The following ASCC1 variants were observed in gnomAD, a reference collection of about 807,000 sequenced individuals.
ASCC1 encodes the protein ASC-1 complex subunit P50.
Under a neutral mutation model 46.6 loss-of-function variants are expected in ASCC1, and 35 were observed. That is an observed-to-expected ratio of 0.75 (90% CI 0.57 to 0.99). ASCC1 has a LOEUF of 0.99. Ranked by LOEUF, ASCC1 falls within the 50% of genes least tolerant of loss-of-function variation. ASCC1 has a pLI of 0.00. For missense variants in ASCC1, 376 were observed against 428.7 expected, an observed-to-expected ratio of 0.88 and a Z score of 1.09; for synonymous variants, 143 against 146.6, an observed-to-expected ratio of 0.98 and a Z score of 0.18.
intron 7 of ASCC1, 126 bp from the exon 8 acceptor site, chr10:72,133,307 G>A (rs1477617019): frequency 1.0e-6 from 1 of 959,238 alleles, no homozygotes; most frequent in African/African-American, 1.6e-5. Context: ...TGCATCACAG[G>A]AGGAAGAATA....
At chr10:72,143,957 ATAGCCTTCTC>A (rs2132448454) in intron 7 of ASCC1, among the ~76,000 whole-genome samples, 2 of 151,786 alleles carry the variant, frequency 1.3e-5, no homozygotes, top group South Asian at 4.2e-4. Flanking sequence ...ATCATATATA[ATAGCCTTCTC>A]TATTGCTAAT....
chr10:72,186,012 T>A (rs1853398911), intron 5 of ASCC1, among the ~76,000 whole-genome samples: 1 of 152,082 alleles, frequency 6.6e-6, no homozygotes, highest in Non-Finnish European at 1.5e-5. Flanking sequence ...TAATGTTCCA[T>A]CAATAGAGGA....
In ASCC1 at chr10:72,161,622, G is replaced by C; in HGVS notation, c.542C>G (p.Thr181Ser). 1 of 1,614,112 alleles carries C rather than the reference G, an allele frequency of 6.2e-7. No homozygotes were observed. The highest frequency in any genetic ancestry group is 8.5e-7 in the Non-Finnish European group (1 of 1,180,016). The change falls in exon 6 of 10, where the codon ACT (threonine) becomes AGT (serine). Residue 181 changes from threonine (T) to serine (S), a missense_variant. Thr to Ser is a moderately conservative substitution (Grantham distance 58). Coordinates refer to ENST00000672957, the MANE Select transcript of ASCC1 (RefSeq NM_001198800.3). ...ACTCAAAAGCACCAACATCCCAATAGTTAGATGAAGCTTTTTAGGATTCTG... is the reference window on the plus strand; with the variant it reads ...ACTCAAAAGCACCAACATCCCAATACTTAGATGAAGCTTTTTAGGATTCTG... ...IFQNPKKLHLTIGMLVLLSEE... is the reference protein window; with the variant it reads ...IFQNPKKLHLSIGMLVLLSEE...
chr10:72,210,462 A>T (rs1286248822), intron 3 of ASCC1, among the ~76,000 whole-genome samples: 1 of 152,070 alleles, frequency 6.6e-6, no homozygotes, highest in Non-Finnish European at 1.5e-5. Flanking sequence ...ACCTGGCCGA[A>T]ACCTCTTTTC....
intron 7 of ASCC1, 35 bp downstream of exon 7, chr10:72,152,834 C>T: frequency 1.2e-6 from 2 of 1,613,824 alleles, no homozygotes; most frequent in Non-Finnish European, 1.7e-6. Context: ...TTAGGTACCT[C>T]TTGATTGAAA....
At chr10:72,184,558 G>T (rs1853164592) in intron 5 of ASCC1, among the ~76,000 whole-genome samples, 1 of 152,002 alleles carries the variant, frequency 6.6e-6, no homozygotes, top group Non-Finnish European at 1.5e-5. Context: ...ACATTATCAG[G>T]AATAGAGAAA....
intron 9 of ASCC1, among the ~76,000 whole-genome samples, chr10:72,112,500 C>T (rs111858570): frequency 3.9e-5 from 6 of 152,018 alleles, no homozygotes; most frequent in East Asian, 1.9e-4. Context: ...ATGATGGTCG[C>T]GTAACAACAT....
At chr10:72,111,977 A>G (rs1842968779) in intron 9 of ASCC1, among the ~76,000 whole-genome samples, 1 of 152,200 alleles carries the variant, frequency 6.6e-6, no homozygotes, top group Non-Finnish European at 1.5e-5. Flanking sequence ...ACAGCTTCAT[A>G]GCATAGTGAG....
rs557251661 is a variant in ASCC1 at position 72,137,420 on chromosome 10, T to C, written c.747-4239A>G. ...GTGCATGCCTATAATCCCAGCTCCT[T>C]GGGAGGATGAGGCAGGAGAATAGCT... On this transcript the variant is annotated intron_variant, in intron 7 of 9. Coordinates refer to ENST00000672957, the MANE Select transcript of ASCC1 (RefSeq NM_001198800.3). Among the ~76,000 whole-genome samples the C allele has an allele frequency of 6.8e-5, 10 of 146,906 alleles. No individual in the cohort carries two copies. The East Asian group carries it at 2.0e-3, about 30-fold the overall frequency.
At chr10:72,099,609 T>C (rs1346328146) in intron 9 of ASCC1, among the ~76,000 whole-genome samples, 2 of 152,094 alleles carry the variant, frequency 1.3e-5, no homozygotes, top group East Asian at 3.9e-4. Flanking sequence ...TCACCTGAGG[T>C]TGGGAGTTCG....
rs117570347 is a variant in ASCC1, at chr10:72,114,132, T to G, written c.957+13950A>C. ...ACCATAGAGAAGCACAGAATTAATT[T>G]TGGATGTATTTTGAAATAAAAGAAA... On this transcript the variant is annotated intron_variant, in intron 9 of 9. Transcript: ENST00000672957. Among the ~76,000 whole-genome samples the G allele has an allele frequency of 6.0e-3, 921 of 152,330 alleles. 4 individuals carry two copies. Among genetic ancestry groups the G allele is most frequent in the Non-Finnish European group, 9.8e-3 (670 of 68,026 alleles).
chr10:72,134,599 T>G (rs1487102034), intron 7 of ASCC1: 1 of 152,318 alleles, frequency 6.6e-6, no homozygotes, highest in Non-Finnish European at 1.5e-5. Flanking sequence ...CTCCAGTCCT[T>G]GAATGTATTA....
chr10:72,197,680 C>A (rs1855668847), intron 4 of ASCC1, among the ~76,000 whole-genome samples: 1 of 151,570 alleles, frequency 6.6e-6, no homozygotes, highest in African/African-American at 2.4e-5. Context: ...CTGAGGTGGG[C>A]AGATCACTTG....
intron 9 of ASCC1, among the ~76,000 whole-genome samples, chr10:72,126,245 A>G (rs2132209222): frequency 6.6e-6 from 1 of 152,354 alleles, no homozygotes; most frequent in Non-Finnish European, 1.5e-5. Context: ...ACTTTACCTT[A>G]GTAGATTTCA....
chr10:72,209,101 G>A (rs925576024), intron 3 of ASCC1, among the ~76,000 whole-genome samples: 4 of 151,622 alleles, frequency 2.6e-5, no homozygotes, highest in Non-Finnish European at 5.9e-5. Flanking sequence ...GGAAGTCAAG[G>A]CTACAGTGAG....
chr10:72,187,634 G>C (rs773933875), intron 5 of ASCC1, among the ~76,000 whole-genome samples: 2 of 150,426 alleles, frequency 1.3e-5, no homozygotes, highest in Non-Finnish European at 2.9e-5. Context: ...ACAGGAGAAT[G>C]GCGAGAACCC....
At chr10:72,179,002 C>G (rs540333200) in intron 5 of ASCC1, among the ~76,000 whole-genome samples, 1 of 152,078 alleles carries the variant, frequency 6.6e-6, no homozygotes, top group African/African-American at 2.4e-5. Flanking sequence ...TCTTAATGAA[C>G]GTGTCCTTAG....
intron 5 of ASCC1, chr10:72,190,687 C>T (rs59556399): frequency 0.032 from 20,538 of 650,678 alleles, 977 homozygotes; most frequent in African/African-American, 0.13. Flanking sequence ...TTAATGAATG[C>T]TTTGTCAAAT....
intron 5 of ASCC1, among the ~76,000 whole-genome samples, chr10:72,172,813 TATATA>T (rs1344507236): frequency 2.2e-5 from 3 of 134,156 alleles, no homozygotes; most frequent in African/African-American, 8.3e-5. Context: ...TTTTATATTA[TATATA>T]ATATATATTT....
Sources: allele counts gnomAD v4.1 joint callset (sites outside exome capture counted in the v4.1 genomes callset), GRCh38; gene constraint gnomAD v4.1.1; transcripts MANE v1.5; gene names NCBI Gene and HGNC (gene_info 2026-07-23, HGNC 2026-07-21).